PIBF1: variants seen among roughly 807,000 people sequenced by gnomAD.
The protein encoded by PIBF1 is progesterone immunomodulatory binding factor 1.
A neutral mutation model predicts 112.5 loss-of-function variants in PIBF1; 90 were observed. The ratio of observed to expected loss-of-function variants is 0.80; its 90% CI spans 0.67 to 0.95. The LOEUF (loss-of-function observed/expected upper bound fraction) is 0.95. Among genes scored for constraint, PIBF1 ranks in the 40% least tolerant of loss-of-function variants. The pLI is 0.00. For missense variants in PIBF1, 915 were observed against 852.3 expected (o/e 1.07, Z -0.92); for synonymous variants, 301 against 288.6 (o/e 1.04, Z -0.44).
chr13:72,909,654 C>G (rs547810798), intron 12 of PIBF1, among the ~76,000 whole-genome samples: 42 of 152,062 alleles, frequency 2.8e-4, no homozygotes, highest in African/African-American at 1.0e-3. Context: ...CCACCACACC[C>G]AGCTCATTTT....
chr13:72,892,138 CTG>C (rs950121023), intron 10 of PIBF1, among the ~76,000 whole-genome samples: 2 of 151,956 alleles, frequency 1.3e-5, no homozygotes, highest in African/African-American at 4.8e-5. Context: ...AACCACAGAA[CTG>C]TGTATGTTAA....
intron 17 of PIBF1, among the ~76,000 whole-genome samples, chr13:73,000,389 A>T (rs1176079075): frequency 6.6e-6 from 1 of 152,100 alleles, no homozygotes; most frequent in African/African-American, 2.4e-5. Context: ...GTTGGGTGAT[A>T]CCCCTTTTTG....
At chr13:72,856,490 G>A (rs2038428642) in intron 10 of PIBF1, among the ~76,000 whole-genome samples, 1 of 152,066 alleles carries the variant, frequency 6.6e-6, no homozygotes, top group Non-Finnish European at 1.5e-5. Flanking sequence ...GGAAAAAAAG[G>A]TGTTTCTAGA....
intron 3 of PIBF1, 77 bp downstream of exon 3, chr13:72,792,624 G>C (rs2034991628): frequency 2.9e-6 from 2 of 695,912 alleles, no homozygotes; most frequent in Admixed American, 6.8e-5. Flanking sequence ...GTTCATGTTT[G>C]TGACTGTAAG....
rs748918738 is a variant in PIBF1, at chr13:72,792,442, C to A, written c.253-5C>A. Reference sequence around the variant, plus strand: ...CATATAATTTATCTTTTTCTCTTTACGAAGATTGAAGAATTGGAGGAGAAA... The same window carrying A: ...CATATAATTTATCTTTTTCTCTTTAAGAAGATTGAAGAATTGGAGGAGAAA... On this transcript the variant is annotated splice_region_variant and splice_polypyrimidine_tract_variant and intron_variant, in intron 2 of 17. Coordinates refer to ENST00000326291, the MANE Select transcript of PIBF1 (RefSeq NM_006346.4). 2 of 1,489,806 alleles carry A rather than the reference C, an allele frequency of 1.3e-6. No homozygotes were observed. The highest frequency in any genetic ancestry group is 2.5e-5 in the South Asian group (2 of 78,924). The allele number at this position is 1,489,806 out of a possible 1,614,324, so 92.3% of individuals were successfully genotyped here.
At chr13:72,920,551 G>A (rs2041251445) in intron 13 of PIBF1, among the ~76,000 whole-genome samples, 3 of 152,190 alleles carry the variant, frequency 2.0e-5, no homozygotes, top group Admixed American at 6.5e-5. Flanking sequence ...CGGTGGCTTT[G>A]CGCTCTTTTT....
intron 17 of PIBF1, among the ~76,000 whole-genome samples, chr13:73,013,871 GA>G (rs942323357): frequency 6.6e-6 from 1 of 151,876 alleles, no homozygotes; most frequent in African/African-American, 2.4e-5. Context: ...AGAGTGGAGT[GA>G]AACATTTAAC....
At chr13:72,965,841 G>A (rs1439799586) in intron 15 of PIBF1, among the ~76,000 whole-genome samples, 1 of 152,056 alleles carries the variant, frequency 6.6e-6, no homozygotes, top group Non-Finnish European at 1.5e-5. Context: ...GAATTTTTAG[G>A]CTTTTCTTCT....
chr13:72,970,944 C>G lies in PIBF1; in HGVS notation c.1965-2647C>G, dbSNP rs140024477. Among the ~76,000 whole-genome samples the G allele has an allele frequency of 8.5e-4, 129 of 152,274 alleles. 1 individual carries two copies. In the East Asian group the frequency reaches 0.018, roughly 21 times the overall value. On this transcript the variant is annotated intron_variant, in intron 15 of 17. Coordinates refer to ENST00000326291, the MANE Select transcript of PIBF1 (RefSeq NM_006346.4). The stretch of plus-strand genomic sequence containing the variant: ...CACATTGTTTGTAATAAACTCATGT[C>G]TTACAGGTGCAACATAATTGTTCTG...
At chr13:72,784,512 A>G (rs2034485954) in intron 2 of PIBF1, among the ~76,000 whole-genome samples, 1 of 151,886 alleles carries the variant, frequency 6.6e-6, no homozygotes, top group Admixed American at 6.6e-5. Context: ...TAATTCCAGC[A>G]CTTTGGATGC....
chr13:72,923,989 A>G (rs2041394977), intron 13 of PIBF1, among the ~76,000 whole-genome samples: 1 of 152,110 alleles, frequency 6.6e-6, no homozygotes, highest in African/African-American at 2.4e-5. Context: ...TTAAATAAAG[A>G]TCTTAGGACT....
chr13:72,826,865 G>A, intron 6 of PIBF1, 145 bp from the exon 7 acceptor site: 1 of 438,704 alleles, frequency 2.3e-6, no homozygotes, highest in Non-Finnish European at 4.1e-6. Flanking sequence ...CTGAAAAGTA[G>A]GTACTTTATA....
intron 14 of PIBF1, among the ~76,000 whole-genome samples, chr13:72,951,349 T>TA (rs1159931188): frequency 2.0e-5 from 3 of 152,202 alleles, no homozygotes; most frequent in African/African-American, 2.4e-5. Flanking sequence ...CTTTGGCAAT[T>TA]ACTAGCTATG....
intron 8 of PIBF1, among the ~76,000 whole-genome samples, chr13:72,830,800 G>A (rs192281410): frequency 1.3e-5 from 2 of 152,212 alleles, no homozygotes; most frequent in African/African-American, 4.8e-5. Context: ...AAATGAGTTA[G>A]GGAGGACCTC....
At position 72,893,893 on chromosome 13, in the gene PIBF1, G is replaced by T; in HGVS notation, c.1432G>T (p.Ala478Ser). The T allele has an allele frequency of 6.2e-7, 1 of 1,608,140 alleles. No homozygotes were observed. Among genetic ancestry groups the T allele is most frequent in the Non-Finnish European group, 8.5e-7 (1 of 1,177,072 alleles). The change falls in exon 11 of 18, where the codon GCA (alanine) becomes TCA (serine). Residue 478 changes from alanine to serine, a missense_variant. Coordinates refer to ENST00000326291, the MANE Select transcript of PIBF1 (RefSeq NM_006346.4). ...ERVQLLQEET[A>S]RNLTQCQLEC... ...TGTTCAACTTCTGCAAGAGGAAACA[G>T]CAAGAAATCTCACACAGTGTCAATT...
chr13:72,952,591 C>A (rs2042329492), intron 14 of PIBF1, among the ~76,000 whole-genome samples: 1 of 148,020 alleles, frequency 6.8e-6, no homozygotes, highest in Non-Finnish European at 1.5e-5. Flanking sequence ...ACTATTTTGT[C>A]TACCCCAGTG....
rs1436475621 is a variant in PIBF1, at chr13:72,917,167, G to C, written c.1730+1G>C. 1 of 1,548,098 alleles carries C rather than the reference G, an allele frequency of 6.5e-7. No homozygotes were observed. The highest frequency in any genetic ancestry group is 1.2e-5 in the South Asian group (1 of 81,740). On this transcript the variant is annotated splice_donor_variant, in intron 13 of 17. Coordinates refer to ENST00000326291, the MANE Select transcript of PIBF1 (RefSeq NM_006346.4). LOFTEE classifies it high-confidence loss of function. ...CAGCCAAAAGACGACTAAAGCAAAG[G>C]TAAAATCAATATATATTTATTTTAT...
At chr13:72,844,791 A>ACACG (rs1555296225) in intron 9 of PIBF1, among the ~76,000 whole-genome samples, 4 of 131,128 alleles carry the variant, frequency 3.1e-5, no homozygotes, top group African/African-American at 8.7e-5. Context: ...ACACACACAC[A>ACACG]CACACACACG....
intron 17 of PIBF1, among the ~76,000 whole-genome samples, chr13:73,004,311 T>G (rs1373521461): frequency 1.3e-5 from 2 of 151,672 alleles, no homozygotes; most frequent in Non-Finnish European, 2.9e-5. Context: ...GCCAACATGG[T>G]GAAACCTCAT....
Sources: allele counts gnomAD v4.1 joint callset (sites outside exome capture counted in the v4.1 genomes callset), GRCh38; gene constraint gnomAD v4.1.1; transcripts MANE v1.5; gene names NCBI Gene and HGNC (gene_info 2026-07-23, HGNC 2026-07-21).